CNTLN: variants seen among roughly 807,000 people sequenced by gnomAD.
CNTLN encodes the protein centlein, centrosomal protein.
Under a neutral mutation model 180.0 loss-of-function variants are expected in CNTLN, and 212 were observed. The ratio of observed to expected loss-of-function variants is 1.18; its 90% CI spans 1.05 to 1.32. CNTLN has a LOEUF of 1.32. Among genes scored for constraint, CNTLN ranks in the 40% most tolerant of loss-of-function variants. The pLI is 0.00. For synonymous variants in CNTLN, 722 were observed against 563.1 expected, an observed-to-expected ratio of 1.28 and a Z score of -3.99; for missense variants, 2,095 against 1,610.9, an observed-to-expected ratio of 1.30 and a Z score of -5.14.
chr9:17,320,923 G>GCATT (rs2060642778), intron 8 of CNTLN, among the ~76,000 whole-genome samples: 4 of 152,138 alleles, frequency 2.6e-5, no homozygotes, highest in Non-Finnish European at 5.9e-5. Context: ...CTGCCAAACT[G>GCATT]CATTCCAGCA....
intron 18 of CNTLN, chr9:17,448,063 G>A (rs1025930470): frequency 6.3e-5 from 10 of 159,240 alleles, no homozygotes; most frequent in East Asian, 3.7e-4. Context: ...ATGAAAAGTC[G>A]CCTTTTCTGC....
At chr9:17,432,954 G>C (rs1157957507) in intron 18 of CNTLN, among the ~76,000 whole-genome samples, 1 of 146,410 alleles carries the variant, frequency 6.8e-6, no homozygotes, top group Non-Finnish European at 1.5e-5. Context: ...CCAGGAGGCA[G>C]AGGTTGCAGT....
chr9:17,165,549 A>G (rs1045057905), intron 2 of CNTLN, among the ~76,000 whole-genome samples: 1 of 152,186 alleles, frequency 6.6e-6, no homozygotes, highest in Admixed American at 6.5e-5. Flanking sequence ...GGATGAGGCT[A>G]CAAAATGGGA....
At chr9:17,136,769 C>G (rs1441269727) in intron 1 of CNTLN, among the ~76,000 whole-genome samples, 3 of 152,104 alleles carry the variant, frequency 2.0e-5, no homozygotes, top group Non-Finnish European at 4.4e-5. Flanking sequence ...TTCGTTTTAC[C>G]ATTTTTCTGT....
At chr9:17,306,847 G>C (rs1424322190) in intron 7 of CNTLN, among the ~76,000 whole-genome samples, 1 of 152,120 alleles carries the variant, frequency 6.6e-6, no homozygotes, top group Non-Finnish European at 1.5e-5. Flanking sequence ...AGATTAGAAA[G>C]TGGTTAAATA....
At chr9:17,170,618 T>C (rs925461967) in intron 2 of CNTLN, among the ~76,000 whole-genome samples, 20 of 152,164 alleles carry the variant, frequency 1.3e-4, no homozygotes, top group African/African-American at 4.6e-4. Flanking sequence ...TGCATTTCAT[T>C]GTTATATTCC....
intron 2 of CNTLN, among the ~76,000 whole-genome samples, chr9:17,171,292 A>G (rs891640508): frequency 6.6e-6 from 1 of 152,178 alleles, no homozygotes; most frequent in African/African-American, 2.4e-5. Context: ...TCACTTCTAG[A>G]CTTTACACAT....
chr9:17,362,090 T>A (rs990027102), intron 12 of CNTLN, among the ~76,000 whole-genome samples: 2 of 152,204 alleles, frequency 1.3e-5, no homozygotes, highest in Non-Finnish European at 2.9e-5. Context: ...TTATTAAAAG[T>A]AGGGACTGTG....
chr9:17,226,350 A>T (rs1824464145), intron 3 of CNTLN, 63 bp downstream of exon 3: 1 of 895,416 alleles, frequency 1.1e-6, no homozygotes, highest in African/African-American at 1.8e-5. Flanking sequence ...GATCTTCAAA[A>T]TTATTTTTAT....
At chr9:17,523,798 G>A in the CNTLN span, among the ~76,000 whole-genome samples, 10 of 152,258 alleles carry the variant, frequency 6.6e-5, no homozygotes, top group East Asian at 1.9e-3. Context: ...ACTTTTAAGA[G>A]GGACCCCGTA....
chr9:17,213,565 C>A (rs1321149573), intron 2 of CNTLN, among the ~76,000 whole-genome samples: 1 of 152,198 alleles, frequency 6.6e-6, no homozygotes, highest in Non-Finnish European at 1.5e-5. Flanking sequence ...GTAGATGTCT[C>A]TTAGGTCTGC....
chr9:17,461,783 T>G (rs1296229238), intron 19 of CNTLN, among the ~76,000 whole-genome samples: 9 of 151,558 alleles, frequency 5.9e-5, no homozygotes. Context: ...CCTTTAAAAC[T>G]TAACAAATGG....
chr9:17,274,923 A>G lies in CNTLN; in HGVS notation c.983+1057A>G, dbSNP rs182246231. ...TGTTTACCATTACTGAAGCCAATAA[A>G]GTTAAAATGAATTAGGACATTAACA... On this transcript the variant is annotated intron_variant, in intron 6 of 25. Coordinates refer to ENST00000380647, the MANE Select transcript of CNTLN (RefSeq NM_017738.4). 5.1e-3 allele frequency among the ~76,000 whole-genome samples: 784 copies of G among 152,258 alleles called. 5 individuals carry two copies. Among genetic ancestry groups the G allele is most frequent in the African/African-American group, 0.017 (727 of 41,572 alleles).
intron 15 of CNTLN, among the ~76,000 whole-genome samples, chr9:17,406,237 A>C (rs36051199): frequency 1.3e-5 from 2 of 151,582 alleles, no homozygotes; most frequent in South Asian, 4.1e-4. Context: ...CTTTAGAAAA[A>C]TATCCAGAAG....
At chr9:17,291,473 A>G (rs1298628630) in intron 6 of CNTLN, among the ~76,000 whole-genome samples, 3 of 152,094 alleles carry the variant, frequency 2.0e-5, no homozygotes, top group Non-Finnish European at 1.5e-5. Context: ...AACTTGTTTT[A>G]TGAATCTGGG....
At chr9:17,478,528 TC>T (rs1832474035) in intron 23 of CNTLN, among the ~76,000 whole-genome samples, 1 of 151,788 alleles carries the variant, frequency 6.6e-6, no homozygotes, top group Non-Finnish European at 1.5e-5. Flanking sequence ...AGGAGTTTTT[TC>T]TTTTTTTTTT....
At chr9:17,200,697 C>G (rs7868207) in intron 2 of CNTLN, among the ~76,000 whole-genome samples, 21,146 of 152,100 alleles carry the variant, frequency 0.14, 1,656 homozygotes, top group African/African-American at 0.21. Flanking sequence ...TATCCTGAGA[C>G]TTTGCTGAAG....
chr9:17,202,746 G>T (rs1161682475), intron 2 of CNTLN, among the ~76,000 whole-genome samples: 1 of 145,620 alleles, frequency 6.9e-6, no homozygotes, highest in Non-Finnish European at 1.5e-5. Context: ...ACCATGTGAT[G>T]GGTCTCCTGA....
intron 13 of CNTLN, among the ~76,000 whole-genome samples, chr9:17,368,198 G>T (rs562943360): frequency 4.7e-4 from 72 of 152,302 alleles, no homozygotes; most frequent in African/African-American, 1.6e-3. Context: ...AACATTGACA[G>T]TGGCCTGGTA....
Sources: allele counts gnomAD v4.1 joint callset (sites outside exome capture counted in the v4.1 genomes callset), GRCh38; gene constraint gnomAD v4.1.1; transcripts MANE v1.5; gene names NCBI Gene and HGNC (gene_info 2026-07-23, HGNC 2026-07-21).